BIRC6: variants seen among roughly 807,000 people sequenced by gnomAD.
BIRC6 encodes the protein baculoviral IAP repeat containing 6, also known as dual E2 ubiquitin-conjugating enzyme/E3 ubiquitin-protein ligase BIRC6.
BIRC6 carries 98 observed loss-of-function variants against 503.3 expected under a neutral mutation model. That is an observed-to-expected ratio of 0.19 (90% confidence interval 0.17 to 0.23). The LOEUF (loss-of-function observed/expected upper bound fraction) is 0.23. BIRC6 is among the 10% of genes least tolerant of loss of function. The pLI, the probability that BIRC6 is intolerant of heterozygous loss-of-function variation, is 1.00. For missense variants in BIRC6, 5,360 were observed against 5,806.0 expected (o/e 0.92, Z 2.50); for synonymous variants, 2,240 against 2,078.7 (o/e 1.08, Z -2.11).
At chr2:32,539,033 A>C (rs1211417047) in intron 61 of BIRC6, among the ~76,000 whole-genome samples, 1 of 152,224 alleles carries the variant, frequency 6.6e-6, no homozygotes, top group African/African-American at 2.4e-5. Context: ...TGCCTAAAAG[A>C]GATGTGCTTG....
Position 32,415,495 on chromosome 2 carries a change from C to T in BIRC6, c.2204C>T (p.Ser735Leu). 1 of 1,614,002 alleles carries T rather than the reference C, an allele frequency of 6.2e-7. No individual in the cohort carries two copies. The change falls in exon 10 of 74, where the codon TCA becomes TTA. Residue 735 changes from serine to leucine, a missense_variant. This residue lies in a region of BIRC6 where 700 missense variants were observed against 739.3 expected (regional missense o/e 0.95). Transcript: ENST00000421745. ...FAEEENLCIDSITPCADGIHL... is the reference protein window; with the variant it reads ...FAEEENLCIDLITPCADGIHL... ...GAGGAGGAGAATCTTTGTATAGACT[C>T]AATAACTCCTTGTGCTGACGGAATT...
chr2:32,593,956 C>T lies in BIRC6; in HGVS notation c.13397C>T (p.Ala4466Val), dbSNP rs2061532996. 2 of 1,613,160 alleles carry T rather than the reference C, an allele frequency of 1.2e-6. No homozygotes were observed. The highest frequency in any genetic ancestry group is 1.3e-5 in the African/African-American group (1 of 74,994). ...ENVKTGVKPD[A>V]SDQEPEGLTL... ...GTTAAAACAGGAGTAAAACCAGATGCGTCTGATCAAGAACCAGAAGGACTT... is the reference window on the plus strand; with the variant it reads ...GTTAAAACAGGAGTAAAACCAGATGTGTCTGATCAAGAACCAGAAGGACTT... The change falls in exon 67 of 74, where the codon GCG (alanine) becomes GTG (valine). Residue 4466 changes from alanine (A) to valine (V), a missense_variant. Around this residue, in one of 16 missense-constraint regions of BIRC6, gnomAD observed 477 missense variants for 574.4 expected, o/e 0.83. Coordinates refer to ENST00000421745, the MANE Select transcript of BIRC6 (RefSeq NM_016252.4).
intron 1 of BIRC6, among the ~76,000 whole-genome samples, chr2:32,364,959 C>T (rs145053593): frequency 6.6e-6 from 1 of 152,252 alleles, no homozygotes; most frequent in African/African-American, 2.4e-5. Flanking sequence ...GTACATGCGG[C>T]ATTCCTACTC....
Position 32,467,890 on chromosome 2 carries a change from T to A in BIRC6, c.5572-13T>A, listed in dbSNP as rs1448035060. On this transcript the variant is annotated splice_polypyrimidine_tract_variant and intron_variant, in intron 27 of 73. Coordinates refer to ENST00000421745, the MANE Select transcript of BIRC6 (RefSeq NM_016252.4). ...GATGTGTATATATGTATATTTATAA[T>A]TTTTCATTTCAGATCACTGTTATTG... is the stretch of plus-strand genomic sequence containing the variant. 4.4e-6 allele frequency: 7 copies of A among 1,595,716 alleles called. No individual in the cohort carries two copies. The highest frequency in any genetic ancestry group is 6.0e-6 in the Non-Finnish European group (7 of 1,168,858).
intron 3 of BIRC6, among the ~76,000 whole-genome samples, chr2:32,380,932 T>C (rs982681651): frequency 1.3e-5 from 2 of 152,186 alleles, no homozygotes; most frequent in Non-Finnish European, 1.5e-5. Context: ...GAATGGACTA[T>C]GTCTTTGGAA....
intron 1 of BIRC6, among the ~76,000 whole-genome samples, chr2:32,360,309 A>G: frequency 1.3e-5 from 2 of 152,338 alleles, no homozygotes; most frequent in Middle Eastern, 6.8e-3. Flanking sequence ...TATGACTACT[A>G]GTATATGTCT....
At chr2:32,591,037 T>C (rs1242749363) in intron 66 of BIRC6, 4 of 929,000 alleles carry the variant, frequency 4.3e-6, no homozygotes, top group Non-Finnish European at 5.1e-6. Context: ...CTGCAACTTT[T>C]ATAGAAAAGA....
intron 73 of BIRC6, among the ~76,000 whole-genome samples, chr2:32,612,113 C>A (rs532239680): frequency 6.6e-6 from 1 of 152,298 alleles, no homozygotes; most frequent in South Asian, 2.1e-4. Context: ...AGTGATCCTC[C>A]CACCTCAGCC....
chr2:32,468,377 G>C, intron 28 of BIRC6, 60 bp from the exon 29 acceptor site: 1 of 1,335,080 alleles, frequency 7.5e-7, no homozygotes. Context: ...CTTAGTATTT[G>C]TACATGTACA....
intron 62 of BIRC6, among the ~76,000 whole-genome samples, chr2:32,544,553 T>C (rs899318091): frequency 2.6e-5 from 4 of 151,052 alleles, no homozygotes; most frequent in Non-Finnish European, 4.4e-5. Context: ...AAAATTAATA[T>C]TCCTTATGTT....
At chr2:32,541,152 G>A (rs901313444) in intron 61 of BIRC6, among the ~76,000 whole-genome samples, 9 of 152,118 alleles carry the variant, frequency 5.9e-5, no homozygotes, top group African/African-American at 1.9e-4. Context: ...CTGTAACAAT[G>A]TTCTATTATA....
At chr2:32,461,899 C>T (rs2048033012) in intron 23 of BIRC6, among the ~76,000 whole-genome samples, 2 of 151,616 alleles carry the variant, frequency 1.3e-5, no homozygotes, top group African/African-American at 2.4e-5. Flanking sequence ...TTTTTCTTGC[C>T]GAGATTAAAT....
At chr2:32,394,445 A>C (rs1653736602) in intron 5 of BIRC6, among the ~76,000 whole-genome samples, 2 of 152,072 alleles carry the variant, frequency 1.3e-5, no homozygotes, top group South Asian at 4.1e-4. Flanking sequence ...ATGTTGTATG[A>C]ATTAGATTCC....
chr2:32,491,490 C>G lies in BIRC6; in HGVS notation c.8272C>G (p.Leu2758Val). ...TAHLLVSDPN[L>V]IHVLVKFLSG... ...TCATTTGTTGGTTTCAGATCCAAAC[C>G]TAATTCATGTATTAGTGAAATTTCT... Residue 2758 changes from leucine to valine, a missense_variant, in exon 44 of 74, where the codon CTA becomes GTA. This residue lies in a region of BIRC6 where 2,299 missense variants were observed against 2,267.2 expected (regional missense o/e 1.01). Coordinates refer to ENST00000421745, the MANE Select transcript of BIRC6 (RefSeq NM_016252.4). 6.2e-7 allele frequency: 1 copy of G among 1,613,492 alleles called. No homozygotes were observed. The highest frequency in any genetic ancestry group is 8.5e-7 in the Non-Finnish European group (1 of 1,179,570).
intron 14 of BIRC6, 131 bp downstream of exon 14, chr2:32,435,716 A>T: frequency 1.0e-6 from 1 of 990,544 alleles, no homozygotes; most frequent in Non-Finnish European, 1.4e-6. Context: ...AATAACCTAT[A>T]ATTCTGCTTT....
At chr2:32,498,523 TTA>T (rs1250851505) in intron 45 of BIRC6, among the ~76,000 whole-genome samples, 2 of 152,232 alleles carry the variant, frequency 1.3e-5, no homozygotes, top group Admixed American at 1.3e-4. Context: ...TTTTTACTGT[TTA>T]TATATGCTAT....
In BIRC6 at chr2:32,395,611, TGGGCATAATA is replaced by T; in HGVS notation, c.1034+21_1034+30del. The T allele has an allele frequency of 6.3e-7, 1 of 1,577,590 alleles. No individual in the cohort carries two copies. Among genetic ancestry groups the T allele is most frequent in the Non-Finnish European group, 8.7e-7 (1 of 1,147,210 alleles). On this transcript the variant is annotated intron_variant, in intron 6 of 73. Coordinates refer to ENST00000421745, the MANE Select transcript of BIRC6 (RefSeq NM_016252.4). ...GAACCTTGGTGAGTCTTGATGTTTC[TGGGCATAATA>T]GGCTAAGTCAGTCGTGTAAATAATG...
intron 21 of BIRC6, among the ~76,000 whole-genome samples, chr2:32,448,512 G>A (rs2046332495): frequency 1.3e-5 from 2 of 152,312 alleles, no homozygotes; most frequent in South Asian, 2.1e-4. Context: ...CCAGTCAGGC[G>A]TGGCGACGCG....
At chr2:32,492,456 T>C (rs2051861099) in intron 44 of BIRC6, among the ~76,000 whole-genome samples, 1 of 152,074 alleles carries the variant, frequency 6.6e-6, no homozygotes, top group Admixed American at 6.5e-5. Context: ...GACAGGGTTT[T>C]GGTAGGGGCA....
Sources: gnomAD v4.1 joint callset for allele counts (sites outside exome capture counted in the v4.1 genomes callset) on GRCh38, gnomAD v4.1.1 for gene constraint, gnomAD v4.1.1 regional missense constraint, MANE v1.5 for transcripts, NCBI Gene and HGNC (gene_info 2026-07-23, HGNC 2026-07-21) for gene names.